The following TEX29 variants were observed in gnomAD, a reference collection of about 807,000 sequenced individuals.
The protein encoded by TEX29 is testis expressed 29, also known as testis-expressed protein 29.
Under a neutral mutation model 18.2 loss-of-function variants are expected in TEX29, and 26 were observed. The ratio of observed to expected loss-of-function variants is 1.43; its 90% CI spans 1.04 to 1.98. The LOEUF (loss-of-function observed/expected upper bound fraction) is 1.98, where lower values mean the gene tolerates loss of function less well. TEX29 is among the 30% of genes most tolerant of loss of function. The pLI is 0.00. For missense variants in TEX29, 177 were observed against 194.2 expected (o/e 0.91, Z 0.53); for synonymous variants, 83 against 78.5 (o/e 1.06, Z -0.31).
chr13:111,321,141 T>C (rs1342624566), intron 2 of TEX29, among the ~76,000 whole-genome samples, 193 bp downstream of exon 2: 1 of 152,130 alleles, frequency 6.6e-6, no homozygotes, highest in Non-Finnish European at 1.5e-5. Flanking sequence ...TTTTGAAAAT[T>C]TTATTACAAA....
At chr13:111,342,583 A>C (rs2093698288) in intron 4 of TEX29, among the ~76,000 whole-genome samples, 173 bp from the exon 5 acceptor site, 1 of 147,708 alleles carries the variant, frequency 6.8e-6, no homozygotes, top group South Asian at 2.1e-4. Flanking sequence ...AAAAAGAGAG[A>C]GAGAAAGAAA....
At chr13:111,336,264 C>A (rs1377881816) in intron 3 of TEX29, among the ~76,000 whole-genome samples, 2 of 152,238 alleles carry the variant, frequency 1.3e-5, no homozygotes, top group African/African-American at 4.8e-5. Flanking sequence ...GGCAGTGGGC[C>A]CTGCCTTGGG....
chr13:111,322,920 A>G (rs1347042510), intron 2 of TEX29, among the ~76,000 whole-genome samples: 1 of 152,142 alleles, frequency 6.6e-6, no homozygotes, highest in Non-Finnish European at 1.5e-5. Context: ...TGGAACCTTT[A>G]GCCACAGTGG....
chr13:111,322,380 G>T (rs1328815258), intron 2 of TEX29, among the ~76,000 whole-genome samples: 1 of 152,236 alleles, frequency 6.6e-6, no homozygotes, highest in Non-Finnish European at 1.5e-5. Context: ...CAAGCACGGG[G>T]GAGAAAGCGC....
chr13:111,320,330 C>T (rs952080509), upstream of TEX29, among the ~76,000 whole-genome samples: 2 of 152,202 alleles, frequency 1.3e-5, no homozygotes, highest in Non-Finnish European at 2.9e-5. Context: ...AGGGGTGTCC[C>T]AGGAAGGACC....
intron 4 of TEX29, among the ~76,000 whole-genome samples, chr13:111,341,745 G>T (rs1280603280): frequency 6.6e-6 from 1 of 151,686 alleles, no homozygotes; most frequent in South Asian, 2.1e-4. Flanking sequence ...TGTTTAGTGA[G>T]CACCTGTGCT....
At chr13:111,339,086 C>G (rs1015477382) in intron 3 of TEX29, among the ~76,000 whole-genome samples, 1 of 152,304 alleles carries the variant, frequency 6.6e-6, no homozygotes, top group East Asian at 1.9e-4. Flanking sequence ...CCAGTTACCC[C>G]CGTCTTGGAG....
rs1233021897 is a variant in TEX29, at chr13:111,344,069, T to A, written c.416-14T>A. On this transcript the variant is annotated splice_polypyrimidine_tract_variant and intron_variant, in intron 5 of 5. Coordinates refer to ENST00000283547, the MANE Select transcript of TEX29 (RefSeq NM_152324.3). ...TCCATTTGAAAAAACAATTCTTCTT[T>A]TCTAAAAATCTAGTAACAGGGACAA... 1.0e-5 allele frequency: 16 copies of A among 1,607,496 alleles called. No individual in the cohort carries two copies. The Admixed American group carries it at 2.5e-4, about 25-fold the overall frequency.
intron 3 of TEX29, chr13:111,339,457 C>G (rs2093694041): frequency 2.3e-6 from 1 of 426,614 alleles, no homozygotes; most frequent in African/African-American, 2.0e-5. Flanking sequence ...CCAGCGCCAT[C>G]TCTCAGCACA....
chr13:111,323,554 T>C (rs994480549), intron 2 of TEX29, among the ~76,000 whole-genome samples: 2 of 152,212 alleles, frequency 1.3e-5, no homozygotes, highest in Non-Finnish European at 2.9e-5. Flanking sequence ...TATGAAAGAG[T>C]GGGGACTCGA....
intron 2 of TEX29, among the ~76,000 whole-genome samples, chr13:111,326,922 CA>C (rs2093675000): frequency 6.6e-6 from 1 of 152,276 alleles, no homozygotes; most frequent in South Asian, 2.1e-4. Context: ...CCTAGTCACC[CA>C]CTGTAGACAC....
chr13:111,325,204 G>GAGGC (rs1395117406), intron 2 of TEX29, among the ~76,000 whole-genome samples: 1 of 152,192 alleles, frequency 6.6e-6, no homozygotes, highest in African/African-American at 2.4e-5. Flanking sequence ...CCGCCATCCT[G>GAGGC]AGGCAGCGCC....
intron 2 of TEX29, among the ~76,000 whole-genome samples, chr13:111,325,751 G>A (rs1192372911): frequency 6.6e-6 from 1 of 152,250 alleles, no homozygotes; most frequent in Non-Finnish European, 1.5e-5. Flanking sequence ...GCCGGGATTC[G>A]ACGGCTGGGC....
At chr13:111,342,614 T>C (rs1176677035) in intron 4 of TEX29, 142 bp from the exon 5 acceptor site, 2 of 421,644 alleles carry the variant, frequency 4.7e-6, no homozygotes, top group Non-Finnish European at 8.4e-6. Flanking sequence ...AACTATTACA[T>C]CAAAGCATTT....
chr13:111,333,201 C>A (rs1370914715), intron 3 of TEX29, among the ~76,000 whole-genome samples: 1 of 152,180 alleles, frequency 6.6e-6, no homozygotes, highest in African/African-American at 2.4e-5. Flanking sequence ...GGGTGTGGAT[C>A]TCTCTGAGTT....
chr13:111,324,546 G>C, intron 2 of TEX29, among the ~76,000 whole-genome samples: 1 of 152,232 alleles, frequency 6.6e-6, no homozygotes, highest in Non-Finnish European at 1.5e-5. Context: ...TGAGGACCCG[G>C]CGCTGCCCTG....
chr13:111,320,824 G>T (rs752521966), intron 1 of TEX29, 33 bp from the exon 2 acceptor site: 4 of 1,606,028 alleles, frequency 2.5e-6, no homozygotes, highest in Non-Finnish European at 3.4e-6. Context: ...CGTCCCCAGG[G>T]CCCCGCCCGT....
chr13:111,317,142 T>G (rs1259644010), upstream of TEX29, among the ~76,000 whole-genome samples: 1 of 151,942 alleles, frequency 6.6e-6, no homozygotes. Flanking sequence ...CGTATTTTAT[T>G]CGTAAAGAAA....
intron 2 of TEX29, among the ~76,000 whole-genome samples, chr13:111,322,434 T>G (rs2093666333): frequency 6.6e-6 from 1 of 152,356 alleles, no homozygotes; most frequent in South Asian, 2.1e-4. Context: ...GGTTTCTGCT[T>G]CAGGGCTGTA....
Sources: gnomAD v4.1 joint callset for allele counts (sites outside exome capture counted in the v4.1 genomes callset) on GRCh38, gnomAD v4.1.1 for gene constraint, MANE v1.5 for transcripts, NCBI Gene and HGNC (gene_info 2026-07-23, HGNC 2026-07-21) for gene names.